ZFPM2: variants seen among roughly 807,000 people sequenced by gnomAD.
ZFPM2 encodes zinc finger protein ZFPM2.
ZFPM2 carries 20 observed loss-of-function variants against 98.6 expected under a neutral mutation model. The observed-to-expected ratio is 0.20, with a 90% CI of 0.14 to 0.29. ZFPM2 has a LOEUF of 0.29. Ranked by LOEUF, ZFPM2 falls within the 10% of genes least tolerant of loss-of-function variation. The pLI, the probability that ZFPM2 is intolerant of heterozygous loss-of-function variation, is 1.00. For synonymous variants in ZFPM2, 518 were observed against 502.7 expected (o/e 1.03, Z -0.41); for missense variants, 1,310 against 1,388.6 (o/e 0.94, Z 0.90).
intron 5 of ZFPM2, among the ~76,000 whole-genome samples, chr8:105,688,463 C>A (rs1389603912): frequency 6.6e-6 from 1 of 152,016 alleles, no homozygotes; most frequent in Non-Finnish European, 1.5e-5. Context: ...CTAGTTGCTT[C>A]ATTTATGGAA....
At chr8:105,619,966 C>G (rs1816500652) in intron 4 of ZFPM2, among the ~76,000 whole-genome samples, 1 of 151,966 alleles carries the variant, frequency 6.6e-6, no homozygotes, top group South Asian at 2.1e-4. Flanking sequence ...AGTCTTTGGT[C>G]TTGTGAATAG....
Position 105,803,353 on chromosome 8 carries a change from T to A in ZFPM2, c.3271T>A (p.Ser1091Thr), listed in dbSNP as rs1470440375. Residue 1091 changes from serine to threonine, a missense_variant, in exon 8 of 8, where the codon TCA becomes ACA. By Grantham distance (58) the Ser-to-Thr change is moderately conservative. Coordinates refer to ENST00000407775, the MANE Select transcript of ZFPM2 (RefSeq NM_012082.4). ...CCCATTAGCTGCCAATGAGAATGTC[T>A]CACCAGGAATTCCCTCAGCAGAGGA... ...ENPLAANENVSPGIPSAEEQL... is the reference protein window; with the variant it reads ...ENPLAANENVTPGIPSAEEQL... The A allele has an allele frequency of 6.2e-7, 1 of 1,610,538 alleles. No homozygotes were observed. Among genetic ancestry groups the A allele is most frequent in the Non-Finnish European group, 8.5e-7 (1 of 1,177,608 alleles).
At chr8:105,540,914 A>G (rs1814562912) in intron 3 of ZFPM2, among the ~76,000 whole-genome samples, 1 of 152,156 alleles carries the variant, frequency 6.6e-6, no homozygotes, top group Admixed American at 6.6e-5. Flanking sequence ...GAAAATGTTT[A>G]TGAATGTGAA....
At chr8:105,421,599 T>C (rs1209468570) in intron 2 of ZFPM2, among the ~76,000 whole-genome samples, 1 of 152,208 alleles carries the variant, frequency 6.6e-6, no homozygotes. Context: ...CAAGGAGTGC[T>C]ATCCATTCTT....
chr8:105,620,851 G>T (rs1208815812), intron 4 of ZFPM2, among the ~76,000 whole-genome samples: 1 of 152,026 alleles, frequency 6.6e-6, no homozygotes, highest in Non-Finnish European at 1.5e-5. Flanking sequence ...TAGATGTGTG[G>T]TATTATTTCT....
chr8:105,647,596 C>T (rs1008370618), intron 5 of ZFPM2, among the ~76,000 whole-genome samples: 2 of 141,850 alleles, frequency 1.4e-5, no homozygotes, highest in African/African-American at 5.1e-5. Context: ...TCTCATTGTT[C>T]AATTCCCACC....
At chr8:105,520,644 A>G (rs1410701241) in intron 3 of ZFPM2, among the ~76,000 whole-genome samples, 8 of 152,078 alleles carry the variant, frequency 5.3e-5, no homozygotes, top group Non-Finnish European at 1.5e-5. Flanking sequence ...GTTGATTGTG[A>G]TAAGCATTGT....
At chr8:105,505,637 G>A (rs1868649) in intron 3 of ZFPM2, among the ~76,000 whole-genome samples, 55,789 of 151,586 alleles carry the variant, frequency 0.37, 12,128 homozygotes, top group African/African-American at 0.62. Context: ...ATATTACCTC[G>A]CTAAAAACCA....
chr8:105,588,370 C>T (rs533656861), intron 4 of ZFPM2, among the ~76,000 whole-genome samples: 1 of 151,978 alleles, frequency 6.6e-6, no homozygotes, highest in South Asian at 2.1e-4. Context: ...AAATGGAATG[C>T]TTGGATGACA....
intron 1 of ZFPM2, among the ~76,000 whole-genome samples, chr8:105,394,549 A>C (rs1811183810): frequency 6.6e-6 from 1 of 152,210 alleles, no homozygotes; most frequent in African/African-American, 2.4e-5. Context: ...GGGAGAGCTG[A>C]GTAGGTATAA....
At chr8:105,639,899 G>A (rs557607350) in intron 5 of ZFPM2, among the ~76,000 whole-genome samples, 2 of 152,018 alleles carry the variant, frequency 1.3e-5, no homozygotes, top group Admixed American at 1.3e-4. Context: ...GCATATCATT[G>A]GATTTTTTTC....
intron 5 of ZFPM2, among the ~76,000 whole-genome samples, chr8:105,660,379 A>G (rs1817364561): frequency 6.6e-6 from 1 of 152,164 alleles, no homozygotes; most frequent in South Asian, 2.1e-4. Context: ...AGCCCAGAAT[A>G]GACAGCACTT....
At chr8:105,574,796 C>T (rs1203787579) in intron 4 of ZFPM2, among the ~76,000 whole-genome samples, 13 of 150,830 alleles carry the variant, frequency 8.6e-5, no homozygotes, top group East Asian at 3.9e-4. Flanking sequence ...ATCTCGGATG[C>T]GGCATTACCA....
At position 105,736,304 on chromosome 8, in the gene ZFPM2, G is replaced by A. The variant is rs139345959; in HGVS notation, c.533-52414G>A. ...TGCAAATTTCTAGTATACCCTTGCT[G>A]TTTAGACATTTAGAAATATTTGCCA... On this transcript the variant is annotated intron_variant, in intron 5 of 7. Coordinates refer to ENST00000407775, the MANE Select transcript of ZFPM2 (RefSeq NM_012082.4). Among the ~76,000 whole-genome samples the A allele has an allele frequency of 9.2e-5, 14 of 151,986 alleles. No homozygotes were observed. In the South Asian group the frequency reaches 2.5e-3, roughly 27 times the overall value.
At chr8:105,464,949 T>TAAA (rs77152118) in intron 3 of ZFPM2, among the ~76,000 whole-genome samples, 76 of 125,630 alleles carry the variant, frequency 6.0e-4, no homozygotes, top group African/African-American at 2.2e-3. Context: ...TTGAAAATGC[T>TAAA]AAAAAAAAAA....
chr8:105,413,507 T>TATATACAC (rs1554602641), intron 1 of ZFPM2, among the ~76,000 whole-genome samples: 45 of 135,548 alleles, frequency 3.3e-4, no homozygotes, highest in Non-Finnish European at 2.9e-4. Context: ...TATATATATA[T>TATATACAC]ACACACACAC....
chr8:105,674,579 T>G (rs1817654173), intron 5 of ZFPM2, among the ~76,000 whole-genome samples: 1 of 152,172 alleles, frequency 6.6e-6, no homozygotes, highest in Non-Finnish European at 1.5e-5. Context: ...ATCATATTTT[T>G]AAAAGGCATT....
intron 1 of ZFPM2, among the ~76,000 whole-genome samples, chr8:105,329,614 T>G (rs529798346): frequency 6.6e-6 from 1 of 151,932 alleles, no homozygotes; most frequent in East Asian, 1.9e-4. Flanking sequence ...AATATTAAAT[T>G]TAAACTTTTT....
chr8:105,318,438 A>C lies in ZFPM2; in HGVS notation c.-504A>C, dbSNP rs1754304737. On this transcript the variant is annotated 5_prime_UTR_variant, in exon 1 of 8. Transcript: ENST00000407775. ...CGCGCGCCTCGCCGCCTCCCGCCGCAGAACAGGAGCTGCGCGGCCCGGAGC... is the reference window on the plus strand; with the variant it reads ...CGCGCGCCTCGCCGCCTCCCGCCGCCGAACAGGAGCTGCGCGGCCCGGAGC... Among the ~76,000 whole-genome samples the C allele has an allele frequency of 6.7e-6, 1 of 150,168 alleles. No individual in the cohort carries two copies. Among genetic ancestry groups the C allele is most frequent in the African/African-American group, 2.5e-5 (1 of 40,796 alleles).
Sources: gnomAD v4.1 joint callset for allele counts (sites outside exome capture counted in the v4.1 genomes callset) on GRCh38, gnomAD v4.1.1 for gene constraint, MANE v1.5 for transcripts, NCBI Gene and HGNC (gene_info 2026-07-23, HGNC 2026-07-21) for gene names.